TTC6: variants seen among roughly 807,000 people sequenced by gnomAD.
TTC6 encodes tetratricopeptide repeat protein 6.
In TTC6, 172 loss-of-function variants were observed where a neutral mutation model predicts 210.4. The ratio of observed to expected loss-of-function variants is 0.82; its 90% CI spans 0.72 to 0.93. The LOEUF (loss-of-function observed/expected upper bound fraction) is 0.93, where lower values mean the gene tolerates loss of function less well. TTC6 is among the 40% of genes least tolerant of loss of function. The pLI is 0.00. For missense variants in TTC6, 2,414 were observed against 2,318.1 expected (o/e 1.04, Z -0.85); for synonymous variants, 804 against 819.6 (o/e 0.98, Z 0.32).
At chr14:37,634,178 C>T (rs1441183988) in intron 1 of TTC6, among the ~76,000 whole-genome samples, 2 of 152,072 alleles carry the variant, frequency 1.3e-5, no homozygotes, top group East Asian at 3.9e-4. Context: ...GATTTTACAG[C>T]AGTTCCTCTA....
At chr14:37,835,869 A>G (rs540169852) in intron 29 of TTC6, among the ~76,000 whole-genome samples, 1 of 152,224 alleles carries the variant, frequency 6.6e-6, no homozygotes, top group East Asian at 1.9e-4. Context: ...TATGTCATGC[A>G]GTTGTTTCTG....
At chr14:37,677,061 A>G (rs1483176556) in intron 1 of TTC6, among the ~76,000 whole-genome samples, 1 of 151,988 alleles carries the variant, frequency 6.6e-6, no homozygotes, top group Non-Finnish European at 1.5e-5. Flanking sequence ...TCAATTCCAT[A>G]TGAATTTTAG....
chr14:37,624,814 G>C (rs1308849232), intron 1 of TTC6, among the ~76,000 whole-genome samples: 1 of 151,870 alleles, frequency 6.6e-6, no homozygotes, highest in African/African-American at 2.4e-5. Flanking sequence ...GTAGAGACAG[G>C]GTTTCACCAT....
chr14:37,808,708 C>A, intron 23 of TTC6, 25 bp from the exon 26 acceptor site: 1 of 1,176,484 alleles, frequency 8.5e-7, no homozygotes. Flanking sequence ...TTTCCTTTCT[C>A]ACATAATTAC....
exon 3 of TTC6, chr14:37,682,949 G>C: frequency 6.5e-7 from 1 of 1,535,462 alleles, no homozygotes; most frequent in Non-Finnish European, 8.7e-7. Context: ...AAGAAGCCAA[G>C]TGGGTGTCTT....
exon 1 of TTC6, chr14:37,622,822 G>A (rs117168426): frequency 3.3e-6 from 5 of 1,533,956 alleles, no homozygotes; most frequent in African/African-American, 2.7e-5. Context: ...GAACAGGAGA[G>A]CTGGCCGCCC....
intron 3 of TTC6, among the ~76,000 whole-genome samples, chr14:37,683,573 GAT>G (rs2095788436): frequency 6.6e-6 from 1 of 151,998 alleles, no homozygotes; most frequent in Non-Finnish European, 1.5e-5. Context: ...GAGAGAGAGA[GAT>G]AACATATTCA....
intron 14 of TTC6, among the ~76,000 whole-genome samples, chr14:37,777,432 T>G (rs1221741401): frequency 6.6e-6 from 1 of 152,202 alleles, no homozygotes; most frequent in East Asian, 1.9e-4. Flanking sequence ...CTTAAAGTGC[T>G]TTTTTTCAGC....
intron 22 of TTC6, 110 bp downstream of exon 24, chr14:37,806,620 A>G (rs1181869485): frequency 1.2e-5 from 13 of 1,040,830 alleles, no homozygotes; most frequent in Admixed American, 6.3e-5. Flanking sequence ...TCTTATACCT[A>G]CTTTTCACTT....
chr14:37,820,686 C>A (rs74048829), intron 26 of TTC6, among the ~76,000 whole-genome samples: 3,839 of 152,212 alleles, frequency 0.025, 168 homozygotes, highest in African/African-American at 0.087. Context: ...TGTCCATTGA[C>A]CTGGTCACCA....
chr14:37,647,511 G>A (rs759386179), intron 1 of TTC6, among the ~76,000 whole-genome samples: 43 of 152,184 alleles, frequency 2.8e-4, no homozygotes, highest in Non-Finnish European at 5.7e-4. Flanking sequence ...GGTTTATGGT[G>A]TGTGTAGCTA....
intron 1 of TTC6, among the ~76,000 whole-genome samples, chr14:37,624,357 G>C (rs1481180971): frequency 6.6e-6 from 1 of 152,192 alleles, no homozygotes; most frequent in African/African-American, 2.4e-5. Context: ...GCAAAGAGAA[G>C]AAAGGCCTCG....
At chr14:37,735,985 A>G (rs2095900496) in exon 8 of TTC6, 3 of 1,533,778 alleles carry the variant, frequency 2.0e-6, no homozygotes, top group East Asian at 4.9e-5. Context: ...ATTACTTTAC[A>G]TCAACATAGC....
intron 7 of TTC6, among the ~76,000 whole-genome samples, chr14:37,733,715 T>A (rs1000251415): frequency 6.6e-6 from 1 of 152,182 alleles, no homozygotes; most frequent in African/African-American, 2.4e-5. Flanking sequence ...TTATCACATA[T>A]TGAAATCCTT....
chr14:37,832,327 CTCTTTTTTTT>C (rs1204956638), intron 29 of TTC6, among the ~76,000 whole-genome samples: 92 of 63,240 alleles, frequency 1.5e-3, no homozygotes, highest in African/African-American at 4.4e-3. Flanking sequence ...TTTTCTTTCT[CTCTTTTTTTT>C]TTTTTTTTTT....
At chr14:37,635,981 C>CAAAAAAAAAAAAAAAAAAA (rs71433909) in intron 1 of TTC6, among the ~76,000 whole-genome samples, 1 of 70,360 alleles carries the variant, frequency 1.4e-5, no homozygotes, top group Non-Finnish European at 2.5e-5. Context: ...ATTCCATTTC[C>CAAAAAAAAAAAAAAAAAAA]AAAAAAAAAA....
intron 29 of TTC6, among the ~76,000 whole-genome samples, chr14:37,833,288 G>A (rs1272329572): frequency 1.3e-5 from 2 of 152,028 alleles, no homozygotes; most frequent in East Asian, 3.9e-4. Flanking sequence ...ATATATCTGG[G>A]TGTTCAAGTG....
At chr14:37,759,665 T>G (rs1275503360) in intron 14 of TTC6, among the ~76,000 whole-genome samples, 1 of 152,224 alleles carries the variant, frequency 6.6e-6, no homozygotes, top group East Asian at 1.9e-4. Context: ...TCTTTTCACA[T>G]AGTCCCATAT....
chr14:37,768,110 T>C (rs2096005192), intron 14 of TTC6, among the ~76,000 whole-genome samples: 1 of 151,150 alleles, frequency 6.6e-6, no homozygotes, highest in Admixed American at 6.6e-5. Context: ...GAGATAGTTG[T>C]AGATATGCGG....
Sources: allele counts gnomAD v4.1 joint callset (sites outside exome capture counted in the v4.1 genomes callset), GRCh38; gene constraint gnomAD v4.1.1; transcripts MANE v1.5; gene names NCBI Gene and HGNC (gene_info 2026-07-23, HGNC 2026-07-21).